SLC44A1: variants seen among roughly 807,000 people sequenced by gnomAD.
SLC44A1 encodes the protein choline transporter-like protein 1.
A neutral mutation model predicts 79.3 loss-of-function variants in SLC44A1; 26 were observed. That is an observed-to-expected ratio of 0.33 (90% CI 0.24 to 0.46). The LOEUF is 0.46. Among genes scored for constraint, SLC44A1 ranks in the 20% least tolerant of loss-of-function variants. The pLI, the probability that SLC44A1 is intolerant of heterozygous loss-of-function variation, is 1.00. For missense variants in SLC44A1, 688 were observed against 798.1 expected, an observed-to-expected ratio of 0.86 and a Z score of 1.66; for synonymous variants, 263 against 286.2, an observed-to-expected ratio of 0.92 and a Z score of 0.82.
chr9:105,313,681 T>A (rs1183029176), intron 3 of SLC44A1, among the ~76,000 whole-genome samples: 2 of 152,206 alleles, frequency 1.3e-5, no homozygotes, highest in African/African-American at 4.8e-5. Flanking sequence ...CATTCTAGAT[T>A]GTCTACAATC....
chr9:105,275,718 GATC>G (rs1389384497), intron 1 of SLC44A1, among the ~76,000 whole-genome samples: 1 of 152,018 alleles, frequency 6.6e-6, no homozygotes, highest in East Asian at 1.9e-4. Flanking sequence ...GTGTTTCCTT[GATC>G]ATATCAGCAG....
intron 3 of SLC44A1, among the ~76,000 whole-genome samples, chr9:105,334,913 CA>C (rs1826864853): frequency 6.6e-6 from 1 of 152,106 alleles, no homozygotes; most frequent in African/African-American, 2.4e-5. Context: ...GCCGTTATAT[CA>C]GTTCAAAAGT....
chr9:105,322,950 C>T (rs1826440271), intron 3 of SLC44A1, among the ~76,000 whole-genome samples: 1 of 151,480 alleles, frequency 6.6e-6, no homozygotes, highest in Non-Finnish European at 1.5e-5. Context: ...AGGCTGGGCG[C>T]AGTGGCTCAT....
chr9:105,359,544 C>G (rs2131405368), intron 7 of SLC44A1, among the ~76,000 whole-genome samples: 1 of 152,204 alleles, frequency 6.6e-6, no homozygotes, highest in Middle Eastern at 3.4e-3. Flanking sequence ...CTATAAAGGA[C>G]TTAGCACAGT....
At chr9:105,438,074 G>T (rs1385764289) in intron 15 of SLC44A1, among the ~76,000 whole-genome samples, 3 of 152,060 alleles carry the variant, frequency 2.0e-5, no homozygotes, top group Non-Finnish European at 4.4e-5. Flanking sequence ...AATAACTTGT[G>T]CATGAATACA....
At chr9:105,324,242 T>C (rs12350138) in intron 3 of SLC44A1, among the ~76,000 whole-genome samples, 27,930 of 150,076 alleles carry the variant, frequency 0.19, 3,700 homozygotes, top group African/African-American at 0.38. Context: ...TGATTCACCG[T>C]GCCCGGAATT....
At chr9:105,288,584 A>AG (rs1181149875) in intron 1 of SLC44A1, among the ~76,000 whole-genome samples, 1 of 152,196 alleles carries the variant, frequency 6.6e-6, no homozygotes, top group Non-Finnish European at 1.5e-5. Context: ...CCTGGGATTA[A>AG]GCGATCCTCT....
intron 1 of SLC44A1, among the ~76,000 whole-genome samples, chr9:105,248,260 A>C (rs1829504142): frequency 6.6e-6 from 1 of 152,170 alleles, no homozygotes; most frequent in African/African-American, 2.4e-5. Flanking sequence ...ATTTTCCCTT[A>C]CAGTCTCTTG....
Position 105,329,108 on chromosome 9 carries a change from A to T in SLC44A1, c.270-6455A>T, listed in dbSNP as rs114848410. 1.2e-3 allele frequency among the ~76,000 whole-genome samples: 187 copies of T among 152,210 alleles called. 1 individual carries two copies. The highest frequency in any genetic ancestry group is 3.4e-3 in the Middle Eastern group (1 of 294). ...AGATCTGCGGGGCTCTCTGTAGCCTATGTTTAGCAATAGCAAGCCTCCGCT... is the reference window on the plus strand; with the variant it reads ...AGATCTGCGGGGCTCTCTGTAGCCTTTGTTTAGCAATAGCAAGCCTCCGCT... On this transcript the variant is annotated intron_variant, in intron 3 of 15. Transcript: ENST00000374720.
chr9:105,374,811 T>A, intron 13 of SLC44A1, 76 bp downstream of exon 13: 1 of 1,237,054 alleles, frequency 8.1e-7, no homozygotes, highest in Non-Finnish European at 1.2e-6. Flanking sequence ...TTTAAAAATA[T>A]TCAGGCCACC....
rs144446786 is a variant in SLC44A1 at position 105,341,495 on chromosome 9, CAG to C, written c.406+5797_406+5798del. 1.6e-3 allele frequency among the ~76,000 whole-genome samples: 246 copies of C among 151,966 alleles called. 1 individual carries two copies. The highest frequency in any genetic ancestry group is 5.6e-3 in the African/African-American group (233 of 41,468). ...AAATACATAATGCTAGAGAAGAAAA[CAG>C]TTTAAAAATTGCCTTTAAAAAATTG... On this transcript the variant is annotated intron_variant, in intron 4 of 15. Coordinates refer to ENST00000374720, the MANE Select transcript of SLC44A1 (RefSeq NM_080546.5).
intron 15 of SLC44A1, among the ~76,000 whole-genome samples, chr9:105,433,810 A>G (rs1335542096): frequency 2.0e-5 from 3 of 152,114 alleles, no homozygotes; most frequent in Non-Finnish European, 2.9e-5. Flanking sequence ...TCATTATACA[A>G]TGAAGCATTT....
In SLC44A1 at chr9:105,389,750, G is replaced by C. The variant is rs1828716457; in HGVS notation, c.*694G>C. On this transcript the variant is annotated 3_prime_UTR_variant, in exon 16 of 16. Coordinates refer to ENST00000374720, the MANE Select transcript of SLC44A1 (RefSeq NM_080546.5). ...AAGTAGGTAAAAAAAGAAAAGGGTA[G>C]ATAATCTTTCGTATGCAAACTTTTC... 7.7e-7 allele frequency: 1 copy of C among 1,300,038 alleles called. No individual in the cohort carries two copies. The highest frequency in any genetic ancestry group is 2.3e-4 in the Middle Eastern group (1 of 4,326). The allele number at this position is 1,300,038 out of a possible 1,614,324, so 80.5% of individuals were successfully genotyped here. A position where few individuals can be genotyped will look rare whatever the true frequency, so the allele number is the denominator to read the frequency against.
At chr9:105,417,947 T>TTTTG (rs1829194098) in intron 15 of SLC44A1, among the ~76,000 whole-genome samples, 1 of 149,008 alleles carries the variant, frequency 6.7e-6, no homozygotes, top group Admixed American at 6.7e-5. Flanking sequence ...AGCCCAGGAG[T>TTTTG]TTGAGGCTAC....
At chr9:105,315,716 C>T (rs10991619) in intron 3 of SLC44A1, among the ~76,000 whole-genome samples, 2,634 of 152,234 alleles carry the variant, frequency 0.017, 26 homozygotes, top group Middle Eastern at 0.054. Flanking sequence ...TGAATCTTAT[C>T]GACTGTGCAT....
intron 1 of SLC44A1, among the ~76,000 whole-genome samples, chr9:105,298,611 A>C (rs989972502): frequency 6.6e-6 from 1 of 152,156 alleles, no homozygotes; most frequent in South Asian, 2.1e-4. Context: ...CGGCCTCCCA[A>C]AGTGCTGGGA....
At chr9:105,249,691 ATT>A (rs1331556960) in intron 1 of SLC44A1, among the ~76,000 whole-genome samples, 4 of 141,728 alleles carry the variant, frequency 2.8e-5, no homozygotes, top group Admixed American at 1.4e-4. Flanking sequence ...CACCCAGCTA[ATT>A]TTTTTTTTTT....
At chr9:105,369,038 G>C (rs1286762554) in intron 12 of SLC44A1, among the ~76,000 whole-genome samples, 1 of 151,828 alleles carries the variant, frequency 6.6e-6, no homozygotes, top group East Asian at 1.9e-4. Context: ...ACTCTTTCAA[G>C]AAAAAAGAAA....
At chr9:105,328,521 C>T (rs949795152) in intron 3 of SLC44A1, among the ~76,000 whole-genome samples, 3 of 152,112 alleles carry the variant, frequency 2.0e-5, no homozygotes, top group Non-Finnish European at 4.4e-5. Flanking sequence ...GAAAGGAGAC[C>T]AGTGGGAGAC....
Sources: allele counts gnomAD v4.1 joint callset (sites outside exome capture counted in the v4.1 genomes callset), GRCh38; gene constraint gnomAD v4.1.1; transcripts MANE v1.5; gene names NCBI Gene and HGNC (gene_info 2026-07-23, HGNC 2026-07-21).